HS2ST1: variants seen among roughly 807,000 people sequenced by gnomAD.
The protein encoded by HS2ST1 is heparan sulfate 2-O-sulfotransferase 1.
In HS2ST1, 18 loss-of-function variants were observed where a neutral mutation model predicts 42.9. The ratio of observed to expected loss-of-function variants is 0.42; its 90% CI spans 0.29 to 0.62. The LOEUF (loss-of-function observed/expected upper bound fraction) is 0.62. HS2ST1 is among the 20% of genes least tolerant of loss of function. HS2ST1 has a pLI of 0.21. For missense variants in HS2ST1, 334 were observed against 433.8 expected, an observed-to-expected ratio of 0.77 and a Z score of 2.04; for synonymous variants, 146 against 152.9, an observed-to-expected ratio of 0.95 and a Z score of 0.33.
In HS2ST1 at chr1:86,959,293, C is replaced by G. The variant is rs141740168; in HGVS notation, c.124+44133C>G. The stretch of plus-strand genomic sequence containing the variant: ...ACCGATTGAGAAGGAAGAAATAAAA[C>G]TTAATTCACAAATGACATGTTGGTA... On this transcript the variant is annotated intron_variant, in intron 1 of 6. Coordinates refer to ENST00000370550, the MANE Select transcript of HS2ST1 (RefSeq NM_012262.4). Among the ~76,000 whole-genome samples the G allele has an allele frequency of 1.2e-3, 176 of 152,274 alleles. 1 individual carries two copies. The highest frequency in any genetic ancestry group is 2.0e-3 in the Non-Finnish European group (135 of 68,010).
intron 1 of HS2ST1, among the ~76,000 whole-genome samples, chr1:86,975,395 CT>C (rs1648368892): frequency 6.7e-6 from 1 of 150,366 alleles, no homozygotes; most frequent in South Asian, 2.1e-4. Flanking sequence ...CTTAATTTTT[CT>C]TTTCTCTGAT....
intron 1 of HS2ST1, among the ~76,000 whole-genome samples, chr1:86,974,369 A>C (rs934351458): frequency 6.6e-6 from 1 of 152,184 alleles, no homozygotes; most frequent in South Asian, 2.1e-4. Context: ...CAGAGAGGCC[A>C]TGGGAGTTCT....
chr1:86,993,917 G>A (rs1173897723), intron 1 of HS2ST1, among the ~76,000 whole-genome samples: 1 of 152,186 alleles, frequency 6.6e-6, no homozygotes, highest in Non-Finnish European at 1.5e-5. Context: ...CTGATAAGCA[G>A]TGTTGCAAAA....
intron 1 of HS2ST1, chr1:87,064,528 A>G (rs201376001): frequency 4.2e-5 from 22 of 518,484 alleles, no homozygotes; most frequent in East Asian, 2.2e-4. Flanking sequence ...TAATGGTACC[A>G]TATGCATCCC....
chr1:86,925,720 A>G (rs942152314), intron 1 of HS2ST1, among the ~76,000 whole-genome samples: 2 of 152,196 alleles, frequency 1.3e-5, no homozygotes, highest in African/African-American at 4.8e-5. Flanking sequence ...TGTGAATTCA[A>G]CATGAGATTT....
At chr1:87,041,002 C>G (rs1262904045) in intron 1 of HS2ST1, among the ~76,000 whole-genome samples, 2 of 152,068 alleles carry the variant, frequency 1.3e-5, no homozygotes, top group Non-Finnish European at 2.9e-5. Context: ...CCACTAAGCT[C>G]TCCTCTGTCT....
intron 1 of HS2ST1, among the ~76,000 whole-genome samples, chr1:87,009,923 T>G (rs901191119): frequency 2.0e-5 from 3 of 151,902 alleles, no homozygotes; most frequent in Non-Finnish European, 4.4e-5. Flanking sequence ...TAGTCCCAGC[T>G]ACTCGGGAGG....
At chr1:86,949,192 T>C (rs1308218178) in intron 1 of HS2ST1, among the ~76,000 whole-genome samples, 1 of 152,144 alleles carries the variant, frequency 6.6e-6, no homozygotes, top group African/African-American at 2.4e-5. Context: ...CACTACAACC[T>C]CTGCCTCCTG....
chr1:87,034,467 T>G (rs1031152264), intron 1 of HS2ST1, among the ~76,000 whole-genome samples: 4 of 152,216 alleles, frequency 2.6e-5, no homozygotes, highest in Non-Finnish European at 4.4e-5. Context: ...TAGTAATTCT[T>G]TTCACTGTGA....
At chr1:87,001,718 A>C (rs1345254475) in intron 1 of HS2ST1, among the ~76,000 whole-genome samples, 9 of 152,122 alleles carry the variant, frequency 5.9e-5, no homozygotes, top group Non-Finnish European at 1.2e-4. Context: ...GGTTCAAGTG[A>C]TTCTCCTCCC....
intron 1 of HS2ST1, among the ~76,000 whole-genome samples, chr1:86,921,259 T>C (rs1464127405): frequency 6.6e-6 from 1 of 152,212 alleles, no homozygotes; most frequent in Non-Finnish European, 1.5e-5. Flanking sequence ...TTTTGAAATC[T>C]TTGATAATTG....
intron 1 of HS2ST1, among the ~76,000 whole-genome samples, chr1:86,968,776 A>G (rs1416793864): frequency 6.6e-6 from 1 of 151,972 alleles, no homozygotes; most frequent in Non-Finnish European, 1.5e-5. Flanking sequence ...TACTTTAATC[A>G]TTTGTTTAAA....
At chr1:86,978,532 A>G (rs1428996089) in intron 1 of HS2ST1, among the ~76,000 whole-genome samples, 1 of 152,186 alleles carries the variant, frequency 6.6e-6, no homozygotes, top group Admixed American at 6.5e-5. Context: ...TCATATCCAT[A>G]TATGGCCACA....
chr1:87,093,903 T>C (rs1652004508), intron 4 of HS2ST1, among the ~76,000 whole-genome samples: 1 of 151,858 alleles, frequency 6.6e-6, no homozygotes, highest in South Asian at 2.1e-4. Context: ...GTTTCTTTAG[T>C]CTCAAAGCTT....
At chr1:86,981,039 C>A (rs1648563517) in intron 1 of HS2ST1, among the ~76,000 whole-genome samples, 1 of 152,010 alleles carries the variant, frequency 6.6e-6, no homozygotes, top group Non-Finnish European at 1.5e-5. Context: ...AGGAAACTTA[C>A]AATCATGGTG....
intron 1 of HS2ST1, among the ~76,000 whole-genome samples, chr1:86,918,994 T>A (rs529778007): frequency 4.0e-5 from 6 of 151,800 alleles, no homozygotes; most frequent in Non-Finnish European, 7.4e-5. Flanking sequence ...TTATTTATTT[T>A]TTTGAGATGA....
intron 1 of HS2ST1, among the ~76,000 whole-genome samples, chr1:86,978,774 T>A (rs1648496105): frequency 6.6e-6 from 1 of 152,002 alleles, no homozygotes; most frequent in Admixed American, 6.6e-5. Flanking sequence ...GATGCAGGAC[T>A]GTATCTCAGT....
intron 1 of HS2ST1, among the ~76,000 whole-genome samples, chr1:87,002,335 G>A (rs1256935023): frequency 6.6e-6 from 1 of 152,168 alleles, no homozygotes; most frequent in Non-Finnish European, 1.5e-5. Flanking sequence ...GCTCACGCTT[G>A]TAGTCCCATC....
At chr1:86,959,354 G>A (rs1402482281) in intron 1 of HS2ST1, among the ~76,000 whole-genome samples, 1 of 152,162 alleles carries the variant, frequency 6.6e-6, no homozygotes, top group African/African-American at 2.4e-5. Context: ...AAGTGCTCTG[G>A]AACTAATAAG....
Sources: gnomAD v4.1 joint callset for allele counts (sites outside exome capture counted in the v4.1 genomes callset) on GRCh38, gnomAD v4.1.1 for gene constraint, MANE v1.5 for transcripts, NCBI Gene and HGNC (gene_info 2026-07-23, HGNC 2026-07-21) for gene names.